DLG2: variants seen among roughly 807,000 people sequenced by gnomAD.
The protein encoded by DLG2 is discs large MAGUK scaffold protein 2, also known as disks large homolog 2.
Under a neutral mutation model 132.5 loss-of-function variants are expected in DLG2, and 45 were observed. That is an observed-to-expected ratio of 0.34 (90% CI 0.27 to 0.44). The LOEUF (loss-of-function observed/expected upper bound fraction) is 0.44, where lower values mean the gene tolerates loss of function less well. Ranked by LOEUF, DLG2 falls within the 20% of genes least tolerant of loss-of-function variation. The probability of loss-of-function intolerance (pLI) is 1.00; values close to 1 mark genes in which losing one functional copy is unlikely to be tolerated. For missense variants in DLG2, 1,045 were observed against 1,196.9 expected, an observed-to-expected ratio of 0.87 and a Z score of 1.87; for synonymous variants, 424 against 419.6, an observed-to-expected ratio of 1.01 and a Z score of -0.13.
chr11:84,226,422 C>T (rs143918321), intron 8 of DLG2, among the ~76,000 whole-genome samples: 1 of 152,304 alleles, frequency 6.6e-6, no homozygotes, highest in Non-Finnish European at 1.5e-5. Context: ...ATTGTTCACA[C>T]AGGACTCGAC....
chr11:85,029,902 T>C (rs1482803863), intron 6 of DLG2, among the ~76,000 whole-genome samples: 2 of 152,096 alleles, frequency 1.3e-5, no homozygotes, highest in South Asian at 2.1e-4. Flanking sequence ...GTATTTTTAG[T>C]AGAGATGTGG....
At chr11:83,977,949 G>T (rs2092425567) in intron 12 of DLG2, among the ~76,000 whole-genome samples, 1 of 152,058 alleles carries the variant, frequency 6.6e-6, no homozygotes, top group Non-Finnish European at 1.5e-5. Flanking sequence ...TGAAAGAATG[G>T]TGTAGGAATA....
chr11:84,375,043 C>T (rs2098723436), intron 7 of DLG2, among the ~76,000 whole-genome samples: 2 of 152,050 alleles, frequency 1.3e-5, no homozygotes, highest in Non-Finnish European at 2.9e-5. Flanking sequence ...TATTCAATAC[C>T]CAAATTTAAA....
intron 7 of DLG2, among the ~76,000 whole-genome samples, chr11:84,515,959 T>C (rs1367923045): frequency 2.8e-5 from 4 of 144,468 alleles, no homozygotes; most frequent in Non-Finnish European, 4.6e-5. Context: ...CAAATAAACA[T>C]GAAAATTAAA....
chr11:84,262,357 A>C (rs1437880682), intron 7 of DLG2, among the ~76,000 whole-genome samples: 5 of 152,186 alleles, frequency 3.3e-5, no homozygotes, highest in Non-Finnish European at 7.4e-5. Flanking sequence ...TTTGGAGAAA[A>C]AACTAAGAAC....
chr11:83,617,416 A>G (rs897658960), intron 19 of DLG2, among the ~76,000 whole-genome samples: 4 of 152,096 alleles, frequency 2.6e-5, no homozygotes. Context: ...TGATATGTTT[A>G]GTTTTCTTAT....
chr11:85,322,738 T>C (rs888328358), intron 3 of DLG2, among the ~76,000 whole-genome samples: 22 of 152,182 alleles, frequency 1.4e-4, no homozygotes, highest in Non-Finnish European at 2.8e-4. Context: ...GACTTCAAAG[T>C]CATCCTTGAT....
chr11:83,521,088 T>TGAAA (rs2095468850), intron 21 of DLG2, among the ~76,000 whole-genome samples: 1 of 152,220 alleles, frequency 6.6e-6, no homozygotes, highest in Non-Finnish European at 1.5e-5. Flanking sequence ...GTGCTGAACA[T>TGAAA]GAAAGACGTC....
intron 3 of DLG2, among the ~76,000 whole-genome samples, chr11:85,555,415 A>C (rs1446470394): frequency 1.3e-5 from 2 of 151,856 alleles, no homozygotes; most frequent in Non-Finnish European, 2.9e-5. Context: ...TAAAACTTTG[A>C]CCTTCACATT....
intron 3 of DLG2, among the ~76,000 whole-genome samples, chr11:85,434,357 C>G (rs1276141641): frequency 6.6e-6 from 1 of 150,646 alleles, no homozygotes; most frequent in Non-Finnish European, 1.5e-5. Flanking sequence ...ACACGAAAAA[C>G]CCTTCAAAAA....
At chr11:85,165,208 C>T (rs2078348983) in intron 4 of DLG2, among the ~76,000 whole-genome samples, 1 of 152,068 alleles carries the variant, frequency 6.6e-6, no homozygotes, top group Non-Finnish European at 1.5e-5. Flanking sequence ...ACATTTGTTG[C>T]CAGATGTTTA....
intron 3 of DLG2, among the ~76,000 whole-genome samples, chr11:85,419,428 CT>C (rs1330984381): frequency 2.0e-4 from 30 of 152,156 alleles, no homozygotes; most frequent in Non-Finnish European, 3.5e-4. Flanking sequence ...TGAGGAGTAT[CT>C]TTGTGGTGTT....
At chr11:84,094,503 A>C (rs1001984846) in intron 10 of DLG2, among the ~76,000 whole-genome samples, 3 of 152,142 alleles carry the variant, frequency 2.0e-5, no homozygotes, top group Admixed American at 1.3e-4. Flanking sequence ...TTTATGTCTT[A>C]GTCTGTTGGG....
chr11:84,540,751 T>C (rs948710655), intron 6 of DLG2, among the ~76,000 whole-genome samples: 2 of 152,204 alleles, frequency 1.3e-5, no homozygotes, highest in African/African-American at 2.4e-5. Context: ...CGTATGTTTA[T>C]TGAGGCACTA....
At chr11:84,897,149 T>G (rs1025744567) in intron 6 of DLG2, among the ~76,000 whole-genome samples, 1 of 151,786 alleles carries the variant, frequency 6.6e-6, no homozygotes, top group Non-Finnish European at 1.5e-5. Flanking sequence ...TACATATATA[T>G]ATATATATAC....
chr11:83,922,822 G>A (rs2078199693), intron 15 of DLG2, among the ~76,000 whole-genome samples: 1 of 152,070 alleles, frequency 6.6e-6, no homozygotes, highest in African/African-American at 2.4e-5. Flanking sequence ...CAAAATTAAT[G>A]AGATTATTAG....
intron 4 of DLG2, among the ~76,000 whole-genome samples, chr11:85,249,396 T>C (rs1003553487): frequency 1.2e-4 from 18 of 151,814 alleles, no homozygotes; most frequent in Non-Finnish European, 2.1e-4. Context: ...TATCTGTATG[T>C]ATTTATATGT....
intron 6 of DLG2, among the ~76,000 whole-genome samples, chr11:84,588,964 AC>A (rs2099536384): frequency 6.6e-6 from 1 of 151,870 alleles, no homozygotes; most frequent in Admixed American, 6.6e-5. Flanking sequence ...CTGGATTGGG[AC>A]CCCTTTCTGG....
intron 18 of DLG2, among the ~76,000 whole-genome samples, chr11:83,669,057 T>C (rs763096336): frequency 7.9e-5 from 12 of 152,134 alleles, no homozygotes; most frequent in East Asian, 1.9e-4. Flanking sequence ...AAATGCTCTA[T>C]TGGAATATTT....
Sources: gnomAD v4.1 joint callset for allele counts (sites outside exome capture counted in the v4.1 genomes callset) on GRCh38, gnomAD v4.1.1 for gene constraint, MANE v1.5 for transcripts, NCBI Gene and HGNC (gene_info 2026-07-23, HGNC 2026-07-21) for gene names.